The following SLC24A3 variants were observed in gnomAD, a reference collection of about 807,000 sequenced individuals.
SLC24A3 encodes the protein sodium/potassium/calcium exchanger 3.
In SLC24A3, 28 loss-of-function variants were observed where a neutral mutation model predicts 75.8. The ratio of observed to expected loss-of-function variants is 0.37; its 90% CI spans 0.27 to 0.51. SLC24A3 has a LOEUF of 0.51. Among genes scored for constraint, SLC24A3 ranks in the 20% least tolerant of loss-of-function variants. SLC24A3 has a pLI of 0.94. For missense variants in SLC24A3, 663 were observed against 847.8 expected, an observed-to-expected ratio of 0.78 and a Z score of 2.71; for synonymous variants, 372 against 334.1, an observed-to-expected ratio of 1.11 and a Z score of -1.24.
intron 6 of SLC24A3, among the ~76,000 whole-genome samples, chr20:19,593,834 C>G (rs1185393648): frequency 1.3e-5 from 2 of 152,214 alleles, no homozygotes; most frequent in Admixed American, 6.5e-5. Context: ...GAGGGGCACA[C>G]TTGGGTGCAA....
intron 2 of SLC24A3, among the ~76,000 whole-genome samples, chr20:19,378,570 C>T (rs1986126461): frequency 6.6e-6 from 1 of 152,114 alleles, no homozygotes; most frequent in Non-Finnish European, 1.5e-5. Context: ...CTAAATGAGC[C>T]ATTCTGTTGA....
intron 2 of SLC24A3, among the ~76,000 whole-genome samples, chr20:19,463,710 CG>C (rs1329764908): frequency 3.3e-5 from 5 of 152,112 alleles, no homozygotes; most frequent in South Asian, 2.1e-4. Flanking sequence ...GCCACATGTG[CG>C]GATTGAGAAA....
chr20:19,365,414 C>T (rs985483804), intron 2 of SLC24A3, among the ~76,000 whole-genome samples: 6 of 152,178 alleles, frequency 3.9e-5, no homozygotes, highest in Non-Finnish European at 5.9e-5. Flanking sequence ...ACGATAGCTC[C>T]TGCAGAAAAC....
chr20:19,610,104 G>A (rs571774055), intron 6 of SLC24A3, among the ~76,000 whole-genome samples: 1 of 152,136 alleles, frequency 6.6e-6, no homozygotes, highest in Non-Finnish European at 1.5e-5. Flanking sequence ...GTGACAGTTG[G>A]TACTTTTTTC....
intron 6 of SLC24A3, among the ~76,000 whole-genome samples, chr20:19,634,760 TG>T (rs2031978684): frequency 1.3e-5 from 2 of 151,856 alleles, no homozygotes; most frequent in African/African-American, 4.8e-5. Flanking sequence ...GGTGATTGAC[TG>T]GAAGCCGGGG....
intron 13 of SLC24A3, chr20:19,694,207 T>C (rs2032778813): frequency 6.6e-6 from 1 of 152,202 alleles, no homozygotes; most frequent in Non-Finnish European, 1.5e-5. Context: ...CAGAATGCAT[T>C]ACCCATTTAT....
intron 4 of SLC24A3, among the ~76,000 whole-genome samples, chr20:19,580,573 C>T (rs145885990): frequency 5.3e-4 from 80 of 152,140 alleles, no homozygotes; most frequent in African/African-American, 1.8e-3. Context: ...AAAGAATTGG[C>T]CACGGAGATC....
intron 6 of SLC24A3, among the ~76,000 whole-genome samples, chr20:19,598,109 AG>A: frequency 6.6e-6 from 1 of 152,278 alleles, no homozygotes; most frequent in East Asian, 1.9e-4. Context: ...GGAAAGTTTG[AG>A]GGGTGTTTTT....
intron 3 of SLC24A3, among the ~76,000 whole-genome samples, chr20:19,545,027 T>C (rs1275371382): frequency 6.6e-6 from 1 of 152,236 alleles, no homozygotes; most frequent in Non-Finnish European, 1.5e-5. Flanking sequence ...GGCATATTCA[T>C]AATTTTTTTA....
At chr20:19,360,899 TC>T (rs1275839107) in intron 2 of SLC24A3, among the ~76,000 whole-genome samples, 1 of 151,916 alleles carries the variant, frequency 6.6e-6, no homozygotes, top group East Asian at 1.9e-4. Context: ...CAATCTCGGC[TC>T]ACTGCAAGCT....
chr20:19,674,926 G>T (rs371605321), intron 9 of SLC24A3, among the ~76,000 whole-genome samples: 1 of 152,146 alleles, frequency 6.6e-6, no homozygotes, highest in African/African-American at 2.4e-5. Flanking sequence ...GGTGGCGTGC[G>T]CCTGTAATCC....
At chr20:19,483,408 A>G (rs553771220) in intron 2 of SLC24A3, among the ~76,000 whole-genome samples, 4 of 152,362 alleles carry the variant, frequency 2.6e-5, no homozygotes, top group Admixed American at 2.6e-4. Flanking sequence ...AGCCTAGGAC[A>G]CTTGACACAG....
intron 9 of SLC24A3, among the ~76,000 whole-genome samples, chr20:19,678,988 G>A (rs1038405173): frequency 6.6e-6 from 1 of 151,342 alleles, no homozygotes; most frequent in Non-Finnish European, 1.5e-5. Flanking sequence ...ATGGGATGGC[G>A]GCCGGGCAGA....
intron 3 of SLC24A3, among the ~76,000 whole-genome samples, chr20:19,551,356 G>A (rs1165095250): frequency 6.6e-6 from 1 of 152,170 alleles, no homozygotes; most frequent in Admixed American, 6.5e-5. Context: ...GGAGGTGAGT[G>A]AGGTTGGATG....
At chr20:19,383,432 G>T (rs1986218886) in intron 2 of SLC24A3, among the ~76,000 whole-genome samples, 1 of 151,800 alleles carries the variant, frequency 6.6e-6, no homozygotes, top group South Asian at 2.1e-4. Context: ...CATTTATCCT[G>T]TGAAATGTCC....
intron 2 of SLC24A3, among the ~76,000 whole-genome samples, chr20:19,312,912 T>G (rs976416385): frequency 1.3e-5 from 2 of 152,138 alleles, no homozygotes; most frequent in Admixed American, 1.3e-4. Flanking sequence ...CACTTGGGTT[T>G]CCCTGGCCAT....
At chr20:19,419,447 C>T (rs545306292) in intron 2 of SLC24A3, among the ~76,000 whole-genome samples, 63 of 152,042 alleles carry the variant, frequency 4.1e-4, no homozygotes, top group Middle Eastern at 3.4e-3. Flanking sequence ...ATGCAAGGAC[C>T]GGGGATCTGG....
chr20:19,250,249 A>T (rs1386337156), intron 1 of SLC24A3, among the ~76,000 whole-genome samples: 1 of 152,218 alleles, frequency 6.6e-6, no homozygotes, highest in Non-Finnish European at 1.5e-5. Flanking sequence ...AATTTGCACA[A>T]GGTTTTAAAG....
intron 3 of SLC24A3, among the ~76,000 whole-genome samples, chr20:19,521,420 A>G (rs1026208069): frequency 6.6e-6 from 1 of 152,166 alleles, no homozygotes; most frequent in African/African-American, 2.4e-5. Flanking sequence ...ACAGGTTTCC[A>G]TAGGAGGCCT....
Sources: allele counts gnomAD v4.1 joint callset (sites outside exome capture counted in the v4.1 genomes callset), GRCh38; gene constraint gnomAD v4.1.1; transcripts MANE v1.5; gene names NCBI Gene and HGNC (gene_info 2026-07-23, HGNC 2026-07-21).